The following DOT1L variants were observed in gnomAD, a reference collection of about 807,000 sequenced individuals.
DOT1L encodes the protein DOT1 like histone lysine methyltransferase.
In DOT1L, 33 loss-of-function variants were observed where a neutral mutation model predicts 153.3. The ratio of observed to expected loss-of-function variants is 0.22; its 90% CI spans 0.16 to 0.29. DOT1L has a LOEUF of 0.29. Ranked by LOEUF, DOT1L falls within the 10% of genes least tolerant of loss-of-function variation. The pLI is 1.00. For synonymous variants in DOT1L, 1,135 were observed against 965.1 expected (o/e 1.18, Z -3.26); for missense variants, 1,847 against 2,119.9 (o/e 0.87, Z 2.53).
intron 1 of DOT1L, among the ~76,000 whole-genome samples, chr19:2,167,902 ATT>A (rs1399215956): frequency 2.0e-5 from 3 of 151,460 alleles, no homozygotes; most frequent in Non-Finnish European, 4.4e-5. Flanking sequence ...TGCCTGGCTT[ATT>A]TTGTATTTTT....
rs2024076677 is a variant in DOT1L, at chr19:2,220,479, T to C, written c.2806+257T>C. On this transcript the variant is annotated intron_variant, in intron 23 of 27. Coordinates refer to ENST00000398665, the MANE Select transcript of DOT1L (RefSeq NM_032482.3). The surrounding 1 kb of genome is among the most constrained non-coding windows in gnomAD (Gnocchi z 4.5). Reference sequence around the variant, plus strand: ...ACACCTCCTGCTTGGGTGTATTAATTCAGCCCGTGAGGTCGGCCCCAGTGC... The same window carrying C: ...ACACCTCCTGCTTGGGTGTATTAATCCAGCCCGTGAGGTCGGCCCCAGTGC... The C allele has an allele frequency of 1.7e-6, 1 of 585,830 alleles. No homozygotes were observed. Among genetic ancestry groups the C allele is most frequent in the African/African-American group, 1.8e-5 (1 of 54,114 alleles). 36.3% of individuals were successfully genotyped at this position (585,830 alleles called of 1,614,324 possible). A position where few individuals can be genotyped will look rare whatever the true frequency, so the allele number is the denominator to read the frequency against.
intron 1 of DOT1L, among the ~76,000 whole-genome samples, chr19:2,178,502 C>T (rs995244023): frequency 8.6e-5 from 13 of 150,306 alleles, no homozygotes; most frequent in African/African-American, 3.0e-4. Flanking sequence ...ACTGCAAGCT[C>T]CGCTTCCCGG....
chr19:2,199,048 A>G (rs997425827), intron 7 of DOT1L, among the ~76,000 whole-genome samples: 1 of 152,154 alleles, frequency 6.6e-6, no homozygotes, highest in African/African-American at 2.4e-5. Context: ...TTGTGTGGAC[A>G]TGTTTTTATT....
In DOT1L at chr19:2,222,487, G is replaced by A. The variant is rs1394748295; in HGVS notation, c.3318G>A (p.Lys1106=). The part of the protein sequence containing the change: ...TPSLSAGVSP[K]RRALPSVAGL... ...GCTTGAGCGCAGGCGTGTCCCCCAAGCGCCGAGCCCTGCCGTCCGTCGCTG... is the reference window on the plus strand; with the variant it reads ...GCTTGAGCGCAGGCGTGTCCCCCAAACGCCGAGCCCTGCCGTCCGTCGCTG... Residue 1106 remains lysine, a synonymous_variant, in exon 24 of 28, where the codon AAG becomes AAA. Coordinates refer to ENST00000398665, the MANE Select transcript of DOT1L (RefSeq NM_032482.3). The surrounding 1 kb of genome is among the most constrained non-coding windows in gnomAD (Gnocchi z 6.5). The A allele has an allele frequency of 4.4e-6, 7 of 1,594,988 alleles. No homozygotes were observed. Among genetic ancestry groups the A allele is most frequent in the Middle Eastern group, 1.7e-4 (1 of 6,034 alleles).
At chr19:2,224,480 T>TC (rs1158439464) in intron 25 of DOT1L, among the ~76,000 whole-genome samples, 3 of 150,748 alleles carry the variant, frequency 2.0e-5, no homozygotes, top group Admixed American at 6.6e-5. Context: ...TTTTTTTTTT[T>TC]CCTGAGACAC....
At chr19:2,212,089 C>T (rs1599596113) in intron 16 of DOT1L, 1 of 476,108 alleles carries the variant, frequency 2.1e-6, no homozygotes, top group Non-Finnish European at 3.8e-6. Context: ...ATAGGCACAC[C>T]CAGCACAGTT....
intron 2 of DOT1L, among the ~76,000 whole-genome samples, chr19:2,182,916 G>T (rs77030691): frequency 1.5e-3 from 234 of 152,284 alleles, no homozygotes; most frequent in African/African-American, 5.4e-3. Context: ...AAGCGTTGTA[G>T]GGAGCAGGGT....
chr19:2,186,052 T>C, intron 3 of DOT1L, 123 bp downstream of exon 3: 1 of 961,924 alleles, frequency 1.0e-6, no homozygotes. Flanking sequence ...AATTTCCTTT[T>C]AGAGTTGGCC....
intron 1 of DOT1L, among the ~76,000 whole-genome samples, chr19:2,175,332 T>TACAAAA (rs1167010742): frequency 1.3e-5 from 2 of 152,088 alleles, no homozygotes; most frequent in African/African-American, 4.8e-5. Context: ...AGTTGAGGTC[T>TACAAAA]TGCTATGTTG....
intron 7 of DOT1L, among the ~76,000 whole-genome samples, chr19:2,198,777 G>A (rs1177948537): frequency 6.6e-6 from 1 of 152,174 alleles, no homozygotes; most frequent in African/African-American, 2.4e-5. Flanking sequence ...GGCCTGTCCC[G>A]GACATTTCAC....
chr19:2,228,961 C>T lies in DOT1L; in HGVS notation c.4607-824C>T, dbSNP rs1285603733. ...GCCTGCCTGGGGGCTGATGGGTTCC[C>T]GGCGGGGTCGAGAGGCAAGCTCTGT... On this transcript the variant is annotated intron_variant, in intron 27 of 27. Coordinates refer to ENST00000398665, the MANE Select transcript of DOT1L (RefSeq NM_032482.3). 1.4e-5 allele frequency: 14 copies of T among 985,376 alleles called. No individual in the cohort carries two copies. The Admixed American group carries it at 4.9e-4, about 35-fold the overall frequency. The allele number at this position is 985,376 out of a possible 1,614,324, so 61.0% of individuals were successfully genotyped here.
intron 12 of DOT1L, among the ~76,000 whole-genome samples, chr19:2,209,626 C>T (rs1209345900): frequency 6.6e-6 from 1 of 152,258 alleles, no homozygotes; most frequent in Admixed American, 6.5e-5. Context: ...TGGGGAGCCA[C>T]AGTGGCCGCC....
chr19:2,231,851 C>T lies in DOT1L; in HGVS notation c.*2059C>T, dbSNP rs1351732232. 4.5e-6 allele frequency: 1 copy of T among 219,890 alleles called. No individual in the cohort carries two copies. The highest frequency in any genetic ancestry group is 6.6e-5 in the East Asian group (1 of 15,080). The allele number at this position is 219,890 out of a possible 1,614,324, so 13.6% of individuals were successfully genotyped here. On this transcript the variant is annotated 3_prime_UTR_variant, in exon 28 of 28. Coordinates refer to ENST00000398665, the MANE Select transcript of DOT1L (RefSeq NM_032482.3). ...GTCCTGCAGATGGCCATGCAGGGCT[C>T]CTGCCCACGCAGGCCACCGTATGTT... is the stretch of plus-strand genomic sequence containing the variant.
chr19:2,196,462 A>G (rs982538378), intron 7 of DOT1L, among the ~76,000 whole-genome samples: 1 of 152,138 alleles, frequency 6.6e-6, no homozygotes, highest in African/African-American at 2.4e-5. Context: ...CCTCCTGAGT[A>G]GCTGGAATTA....
chr19:2,189,904 G>T, intron 4 of DOT1L, 109 bp downstream of exon 4: 1 of 1,267,620 alleles, frequency 7.9e-7, no homozygotes, highest in Non-Finnish European at 1.1e-6. Flanking sequence ...TAGAGCCCCT[G>T]GGGATTGGAA....
chr19:2,225,809 C>T (rs1231873935), intron 26 of DOT1L, among the ~76,000 whole-genome samples: 1 of 152,134 alleles, frequency 6.6e-6, no homozygotes, highest in African/African-American at 2.4e-5. Flanking sequence ...CAGTGAGGAC[C>T]CTGACCTGCT....
Position 2,207,043 on chromosome 19 carries a change from G to A in DOT1L, c.856+246G>A, listed in dbSNP as rs545098955. On this transcript the variant is annotated intron_variant, in intron 10 of 27. Transcript: ENST00000398665. This position sits in a 1 kb window ranked among gnomAD's most constrained non-coding sequence, Gnocchi z 4.5. ...TAGAGCACTGTGTGCCATGGGGGTA[G>A]AATCACTCCTCGGGGAGACCCCGGC... Among the ~76,000 whole-genome samples the A allele has an allele frequency of 9.8e-5, 15 of 152,310 alleles. No homozygotes were observed. In the South Asian group the frequency reaches 2.5e-3, roughly 25 times the overall value.
In DOT1L at chr19:2,213,994, C is replaced by T. The variant is rs2144852418; in HGVS notation, c.1797+8C>T. 6.2e-7 allele frequency: 1 copy of T among 1,611,434 alleles called. No homozygotes were observed. The highest frequency in any genetic ancestry group is 8.5e-7 in the Non-Finnish European group (1 of 1,179,246). ...GGCCAGAGCTTGCAGCTGGTGGGTG[C>T]CGCGGCGCAAGGACAGGGACGTGGA... On this transcript the variant is annotated splice_region_variant and intron_variant, in intron 18 of 27. Transcript: ENST00000398665.
In DOT1L at chr19:2,211,735, C is replaced by G; in HGVS notation, c.1466-16C>G. The G allele has an allele frequency of 6.4e-7, 1 of 1,552,144 alleles. No homozygotes were observed. Among genetic ancestry groups the G allele is most frequent in the South Asian group, 1.2e-5 (1 of 84,140 alleles). ...CAGCTGCTCTCTTCTCACCTGTGTT[C>G]CGCCTCTCTTCCCAGAGTCCTTCAA... On this transcript the variant is annotated splice_polypyrimidine_tract_variant and intron_variant, in intron 15 of 27. Coordinates refer to ENST00000398665, the MANE Select transcript of DOT1L (RefSeq NM_032482.3).
Sources: allele counts gnomAD v4.1 joint callset (sites outside exome capture counted in the v4.1 genomes callset), GRCh38; gene constraint gnomAD v4.1.1; non-coding constraint Gnocchi (gnomAD v3.1); transcripts MANE v1.5; gene names NCBI Gene and HGNC (gene_info 2026-07-23, HGNC 2026-07-21).